Variants in LRRC47 observed in about 807,000 individuals in gnomAD.
The protein encoded by LRRC47 is leucine rich repeat containing 47.
In LRRC47, 31 loss-of-function variants were observed where a neutral mutation model predicts 40.9. That is an observed-to-expected ratio of 0.76 (90% CI 0.57 to 1.02). The LOEUF is 1.02. Ranked by LOEUF, LRRC47 falls within the 50% of genes least tolerant of loss-of-function variation. LRRC47 has a pLI of 0.00. For missense variants in LRRC47, 726 were observed against 796.1 expected (o/e 0.91, Z 1.06); for synonymous variants, 427 against 371.9 (o/e 1.15, Z -1.70).
At chr1:3,791,123 C>G (rs549034224) in intron 1 of LRRC47, among the ~76,000 whole-genome samples, 1 of 152,168 alleles carries the variant, frequency 6.6e-6, no homozygotes, top group South Asian at 2.1e-4. Context: ...CCACCCACCC[C>G]GGCAGCCCAG....
chr1:3,785,220 G>T lies in LRRC47; in HGVS notation c.1078-17C>A. 6.6e-7 allele frequency: 1 copy of T among 1,509,066 alleles called. No homozygotes were observed. 93.5% of individuals were successfully genotyped at this position (1,509,066 alleles called of 1,614,324 possible). Reference sequence around the variant, plus strand: ...GAGCTTGGTCTGTAACACAGAAGCAGTGATGAGCAAGGTCTCTTGTGCCCT... The same window carrying T: ...GAGCTTGGTCTGTAACACAGAAGCATTGATGAGCAAGGTCTCTTGTGCCCT... On this transcript the variant is annotated splice_polypyrimidine_tract_variant and intron_variant, in intron 2 of 6. Transcript: ENST00000378251.
chr1:3,796,050 C>T lies in LRRC47; in HGVS notation c.427G>A (p.Glu143Lys). The T allele has an allele frequency of 2.6e-6, 4 of 1,540,666 alleles. No homozygotes were observed. The highest frequency in any genetic ancestry group is 3.5e-6 in the Non-Finnish European group (4 of 1,146,140). The change falls in exon 1 of 7, where the codon GAG becomes AAG. Residue 143 changes from glutamate (E) to lysine (K), a missense_variant. Transcript: ENST00000378251. ...CAGCGCGCCAGGTCGGCTGGCAGCT[C>T]GCGCAGCCGGTTGCCGCTGAGGTTG... Reference protein sequence around the residue: ...SLNLSGNRLRELPADLARCAP... With the variant: ...SLNLSGNRLRKLPADLARCAP...
chr1:3,796,071 G>A lies in LRRC47; in HGVS notation c.406C>T (p.Leu136Phe). The change falls in exon 1 of 7, where the codon CTC (leucine) becomes TTC (phenylalanine). Residue 136 changes from leucine (L) to phenylalanine (F), a missense_variant. Physicochemically the swap from Leu to Phe is conservative, Grantham distance 22. Transcript: ENST00000378251. ...AGCTCGCGCAGCCGGTTGCCGCTGA[G>A]GTTGAGGCTCTGCAGCTGCGGAAGG... The part of the protein sequence containing the change: ...PGLPQLQSLN[L>F]SGNRLRELPA... The A allele has an allele frequency of 6.5e-7, 1 of 1,527,266 alleles. No homozygotes were observed. Among genetic ancestry groups the A allele is most frequent in the Non-Finnish European group, 8.8e-7 (1 of 1,141,548 alleles). 94.6% of individuals were successfully genotyped at this position (1,527,266 alleles called of 1,614,324 possible).
At chr1:3,795,765 G>A in intron 1 of LRRC47, 97 bp downstream of exon 1, 1 of 1,372,916 alleles carries the variant, frequency 7.3e-7, no homozygotes, top group Non-Finnish European at 9.5e-7. Context: ...CAGTGCCCCA[G>A]GGGGCGTCAC....
At chr1:3,795,705 G>T (rs1388226836) in intron 1 of LRRC47, among the ~76,000 whole-genome samples, 157 bp downstream of exon 1, 3 of 152,258 alleles carry the variant, frequency 2.0e-5, no homozygotes, top group African/African-American at 4.8e-5. Flanking sequence ...TCCCAGGGGT[G>T]ATGCCCCCCG....
intron 3 of LRRC47, 93 bp downstream of exon 3, chr1:3,784,994 A>C (rs911634169): frequency 1.2e-4 from 35 of 284,930 alleles, no homozygotes; most frequent in Non-Finnish European, 2.0e-4. Flanking sequence ...CTCCATCTCC[A>C]AAAAAAAAAA....
rs540857461 is a variant in LRRC47 at position 3,778,938 on chromosome 1, G to A, written c.*2150C>T. The A allele has an allele frequency of 6.6e-5, 10 of 152,486 alleles. No homozygotes were observed. Among genetic ancestry groups the A allele is most frequent in the East Asian group, 3.9e-4 (2 of 5,188 alleles). The allele number at this position is 152,486 out of a possible 1,614,324, so 9.4% of individuals were successfully genotyped here. On this transcript the variant is annotated 3_prime_UTR_variant, in exon 7 of 7. Coordinates refer to ENST00000378251, the MANE Select transcript of LRRC47 (RefSeq NM_020710.3). ...AGAGTCCTGGCCTGGGGAAGCCCCC[G>A]TGCCGCCTCAAGCCTCCAGCAGGGC...
At chr1:3,792,702 G>C (rs1223866519) in intron 1 of LRRC47, among the ~76,000 whole-genome samples, 3 of 152,116 alleles carry the variant, frequency 2.0e-5, no homozygotes, top group Admixed American at 1.3e-4. Context: ...CTCGTGATTC[G>C]CCCGCCTTGG....
Position 3,796,372 on chromosome 1 carries a change from C to A in LRRC47, c.105G>T (p.Val35=). 6.6e-7 allele frequency: 1 copy of A among 1,512,208 alleles called. No individual in the cohort carries two copies. Among genetic ancestry groups the A allele is most frequent in the Non-Finnish European group, 8.8e-7 (1 of 1,138,018 alleles). 93.7% of individuals were successfully genotyped at this position (1,512,208 alleles called of 1,614,324 possible). A position where few individuals can be genotyped will look rare whatever the true frequency, so the allele number is the denominator to read the frequency against. The change falls in exon 1 of 7, where the codon GTG becomes GTT. Residue 35 remains valine, a synonymous_variant. Transcript: ENST00000378251. The part of the protein sequence containing the change: ...LLTGPGLEER[V]RAAGGQLPPR... ...GCGGCAGCTGCCCACCCGCCGCCCG[C>A]ACTCGCTCCTCCAGCCCGGGCCCCG...
At position 3,778,600 on chromosome 1, in the gene LRRC47, TG is replaced by T. The variant is rs1643489144; in HGVS notation, c.*2487del. 1 of 152,654 alleles carries T rather than the reference TG, an allele frequency of 6.6e-6. No homozygotes were observed. Among genetic ancestry groups the T allele is most frequent in the South Asian group, 2.1e-4 (1 of 4,816 alleles). 9.5% of individuals were successfully genotyped at this position (152,654 alleles called of 1,614,324 possible). ...TTTATTAGTGAGTCGGGGGGTGGGG[TG>T]GGGTGAAGAAAACATCAGAGACACC... On this transcript the variant is annotated 3_prime_UTR_variant, in exon 7 of 7. Coordinates refer to ENST00000378251, the MANE Select transcript of LRRC47 (RefSeq NM_020710.3).
intron 4 of LRRC47, 115 bp downstream of exon 4, chr1:3,783,881 G>A: frequency 1.3e-6 from 1 of 774,962 alleles, no homozygotes; most frequent in South Asian, 1.7e-5. Context: ...CTGTTAAGAA[G>A]CTTCTGGGTT....
At chr1:3,784,926 C>T (rs58614279) in intron 3 of LRRC47, 161 bp downstream of exon 3, 8,979 of 420,362 alleles carry the variant, frequency 0.021, 229 homozygotes, top group East Asian at 0.1. Context: ...ACCCAGGAGG[C>T]AGAGGCTGCA....
chr1:3,782,272 G>C (rs113936893), intron 5 of LRRC47, among the ~76,000 whole-genome samples: 18,471 of 151,462 alleles, frequency 0.12, 1,196 homozygotes, highest in African/African-American at 0.14. Flanking sequence ...GGCTGGAGTG[G>C]AATGGCGCGA....
At chr1:3,787,848 G>A (rs545731576) in intron 1 of LRRC47, among the ~76,000 whole-genome samples, 111 of 152,336 alleles carry the variant, frequency 7.3e-4, no homozygotes, top group African/African-American at 2.2e-3. Flanking sequence ...CACACAGAGT[G>A]CTCTCAGGGT....
At chr1:3,792,205 G>A (rs1035050225) in intron 1 of LRRC47, among the ~76,000 whole-genome samples, 4 of 152,212 alleles carry the variant, frequency 2.6e-5, no homozygotes, top group Non-Finnish European at 5.9e-5. Flanking sequence ...CCATTCCTCA[G>A]AAAGGTACCC....
rs1262446572 is a variant in LRRC47, at chr1:3,786,802, T to C, written c.1077+47A>G. ...TCAGGATGTGTCCCAGCTTGCGGCGTCTCACACCTCTGTCCCAGTCATCTG... is the reference window on the plus strand; with the variant it reads ...TCAGGATGTGTCCCAGCTTGCGGCGCCTCACACCTCTGTCCCAGTCATCTG... On this transcript the variant is annotated intron_variant, in intron 2 of 6. Transcript: ENST00000378251. 1.0e-5 allele frequency: 15 copies of C among 1,500,930 alleles called. No individual in the cohort carries two copies. In the South Asian group the frequency reaches 1.6e-4, roughly 16 times the overall value. The allele number at this position is 1,500,930 out of a possible 1,614,324, so 93.0% of individuals were successfully genotyped here.
chr1:3,795,798 G>T (rs777806662), intron 1 of LRRC47, 64 bp downstream of exon 1: 1 of 1,448,140 alleles, frequency 6.9e-7, no homozygotes, highest in East Asian at 2.7e-5. Flanking sequence ...GGCCCCGAGA[G>T]GGGTTCCTTC....
Position 3,786,984 on chromosome 1 carries a change from G to C in LRRC47, c.942C>G (p.Val314=), listed in dbSNP as rs970649317. Residue 314 remains valine, a synonymous_variant, in exon 2 of 7, where the codon GTC becomes GTG. Coordinates refer to ENST00000378251, the MANE Select transcript of LRRC47 (RefSeq NM_020710.3). The part of the protein sequence containing the change: ...AGRLLLRVLH[V]SENPVPLTVR... ...CTGTCAGAGGTACGGGGTTTTCAGA[G>C]ACGTGCAGGACCCTGAGCAGCAGCC... is the stretch of plus-strand genomic sequence containing the variant. 4.3e-6 allele frequency: 7 copies of C among 1,611,746 alleles called. No homozygotes were observed. The highest frequency in any genetic ancestry group is 1.7e-5 in the Admixed American group (1 of 59,706).
Position 3,796,458 on chromosome 1 carries a change from A to C in LRRC47, c.19T>G (p.Ser7Ala). The part of the protein sequence containing the change: MAAAAV[S>A]ESWPELELAE... ...AGCTCCAGCTCCGGCCAAGACTCTG[A>C]CACCGCTGCCGCCGCCATGGCGCCT... is the stretch of plus-strand genomic sequence containing the variant. The change falls in exon 1 of 7, where the codon TCA becomes GCA. Residue 7 changes from serine to alanine, a missense_variant. Transcript: ENST00000378251. 3 of 1,515,332 alleles carry C rather than the reference A, an allele frequency of 2.0e-6. No individual in the cohort carries two copies. Among genetic ancestry groups the C allele is most frequent in the Non-Finnish European group, 2.6e-6 (3 of 1,140,284 alleles). The allele number at this position is 1,515,332 out of a possible 1,614,324, so 93.9% of individuals were successfully genotyped here. A position where few individuals can be genotyped will look rare whatever the true frequency, so the allele number is the denominator to read the frequency against.
Sources: gnomAD v4.1 joint callset for allele counts (sites outside exome capture counted in the v4.1 genomes callset) on GRCh38, gnomAD v4.1.1 for gene constraint, MANE v1.5 for transcripts, NCBI Gene and HGNC (gene_info 2026-07-23, HGNC 2026-07-21) for gene names.